The following TUSC3 variants were observed in gnomAD, a reference collection of about 807,000 sequenced individuals.
TUSC3 encodes tumor suppressor candidate 3, also known as dolichyl-diphosphooligosaccharide--protein glycosyltransferase subunit TUSC3.
Under a neutral mutation model 44.8 loss-of-function variants are expected in TUSC3, and 45 were observed. That is an observed-to-expected ratio of 1.00 (90% CI 0.79 to 1.29). TUSC3 has a LOEUF of 1.29. Ranked by LOEUF, TUSC3 falls within the 50% of genes most tolerant of loss-of-function variation. The probability of loss-of-function intolerance (pLI) is 0.00; values close to 1 mark genes in which losing one functional copy is unlikely to be tolerated. For missense variants in TUSC3, 519 were observed against 437.9 expected (o/e 1.19, Z -1.65); for synonymous variants, 212 against 152.9 (o/e 1.39, Z -2.85).
intron 2 of TUSC3, among the ~76,000 whole-genome samples, chr8:15,523,662 ATATGTGTGTGTG>A (rs1280485856): frequency 7.9e-3 from 172 of 21,826 alleles, no homozygotes; most frequent in African/African-American, 0.032. Context: ...ATATATATAT[ATATGTGTGTGTG>A]TGTGTGTGTG....
chr8:15,445,953 G>T (rs1349232036), intron 1 of TUSC3, among the ~76,000 whole-genome samples: 3 of 147,312 alleles, frequency 2.0e-5, no homozygotes, highest in African/African-American at 7.6e-5. Flanking sequence ...GACGGGGGCT[G>T]CCCCCCACCT....
intron 7 of TUSC3, among the ~76,000 whole-genome samples, chr8:15,738,448 T>A (rs1472780788): frequency 6.6e-6 from 1 of 152,186 alleles, no homozygotes; most frequent in Non-Finnish European, 1.5e-5. Context: ...CTGCCTGCTA[T>A]TTTTGTAAAT....
intron 2 of TUSC3, among the ~76,000 whole-genome samples, chr8:15,642,942 A>C (rs1244103913): frequency 6.6e-6 from 1 of 152,226 alleles, no homozygotes; most frequent in Admixed American, 6.5e-5. Context: ...TTAAATACAT[A>C]TTATAATCAT....
intron 1 of TUSC3, among the ~76,000 whole-genome samples, chr8:15,602,987 T>G (rs1804355170): frequency 6.6e-6 from 1 of 151,542 alleles, no homozygotes; most frequent in Non-Finnish European, 1.5e-5. Flanking sequence ...GAAATAAGAC[T>G]GAGAGAAGTA....
chr8:15,644,596 C>T (rs142736103), intron 2 of TUSC3, among the ~76,000 whole-genome samples: 7 of 152,216 alleles, frequency 4.6e-5, no homozygotes, highest in African/African-American at 1.7e-4. Context: ...TAGGTTTTCT[C>T]TGTCCCCTAT....
intron 1 of TUSC3, among the ~76,000 whole-genome samples, chr8:15,470,575 T>A (rs1800476853): frequency 6.6e-6 from 1 of 152,194 alleles, no homozygotes; most frequent in African/African-American, 2.4e-5. Context: ...ATTCTTGTAC[T>A]TTCTGCCCAA....
intron 1 of TUSC3, among the ~76,000 whole-genome samples, chr8:15,544,602 G>T (rs1585086680): frequency 6.6e-6 from 1 of 151,608 alleles, no homozygotes; most frequent in African/African-American, 2.4e-5. Flanking sequence ...TTTATATTGG[G>T]ATGTATAATA....
At chr8:15,427,981 A>G (rs1799826256) in intron 1 of TUSC3, among the ~76,000 whole-genome samples, 1 of 151,020 alleles carries the variant, frequency 6.6e-6, no homozygotes, top group African/African-American at 2.4e-5. Flanking sequence ...TTTTTTTATT[A>G]TTATACTTTT....
intron 1 of TUSC3, among the ~76,000 whole-genome samples, chr8:15,600,554 CTT>C (rs2129154297): frequency 6.6e-6 from 1 of 151,546 alleles, no homozygotes; most frequent in East Asian, 1.9e-4. Context: ...CTGTTTTATT[CTT>C]GTTTGCTTTG....
At chr8:15,815,055 G>A in the TUSC3 span, among the ~76,000 whole-genome samples, 2 of 152,068 alleles carry the variant, frequency 1.3e-5, no homozygotes, top group African/African-American at 4.8e-5. Flanking sequence ...CGAGATATAA[G>A]TAATGAGACA....
At chr8:15,700,945 G>T (rs1809375765) in intron 6 of TUSC3, among the ~76,000 whole-genome samples, 1 of 141,724 alleles carries the variant, frequency 7.1e-6, no homozygotes, top group African/African-American at 2.6e-5. Context: ...GAAAATCATT[G>T]TGTTAGTCCG....
chr8:15,438,993 G>A (rs751574030), intron 1 of TUSC3, among the ~76,000 whole-genome samples: 4 of 152,144 alleles, frequency 2.6e-5, no homozygotes, highest in South Asian at 2.1e-4. Flanking sequence ...TCAGGCGTTG[G>A]TCGAGGCAAT....
the TUSC3 span, among the ~76,000 whole-genome samples, chr8:15,784,704 C>T: frequency 0.39 from 59,633 of 151,726 alleles, 12,634 homozygotes; most frequent in African/African-American, 0.56. Context: ...ATGTGAAATA[C>T]AGAAGAGTCA....
the TUSC3 span, among the ~76,000 whole-genome samples, chr8:15,843,359 C>T: frequency 0.02 from 2,983 of 152,122 alleles, 84 homozygotes; most frequent in African/African-American, 0.068. Context: ...TATTGTGTCA[C>T]AAGACACAAT....
rs772822826 is a variant in TUSC3 at position 15,673,743 on chromosome 8, T to C, written c.709-4T>C. 3.4e-5 allele frequency: 54 copies of C among 1,610,690 alleles called. No individual in the cohort carries two copies. The highest frequency in any genetic ancestry group is 4.2e-5 in the Non-Finnish European group (49 of 1,177,360). ...ATATTGAAACACTGCACCCTGTTTT[T>C]CAGTGTATAGTCTTTGCTATGACTT... On this transcript the variant is annotated splice_polypyrimidine_tract_variant and splice_region_variant and intron_variant, in intron 5 of 10. Transcript: ENST00000503731.
intron 1 of TUSC3, among the ~76,000 whole-genome samples, chr8:15,569,937 C>G (rs75228353): frequency 0.027 from 4,067 of 152,084 alleles, 197 homozygotes; most frequent in East Asian, 0.22. Context: ...TTTTGTCATA[C>G]TGCTTCAGTC....
chr8:15,758,483 C>G (rs1812027942), intron 10 of TUSC3, among the ~76,000 whole-genome samples: 1 of 151,888 alleles, frequency 6.6e-6, no homozygotes, highest in Admixed American at 6.6e-5. Context: ...CCACACTGCA[C>G]ATCCCACCCC....
At chr8:15,826,091 C>A in the TUSC3 span, among the ~76,000 whole-genome samples, 1 of 152,064 alleles carries the variant, frequency 6.6e-6, no homozygotes, top group African/African-American at 2.4e-5. Flanking sequence ...TGTGTCTGAA[C>A]TGAGCTCAGA....
chr8:15,579,000 T>C (rs1046418519), intron 1 of TUSC3, among the ~76,000 whole-genome samples: 28 of 152,132 alleles, frequency 1.8e-4, no homozygotes, highest in African/African-American at 6.0e-4. Context: ...CAGCTCCTGT[T>C]ATTGGTCTAT....
Sources: allele counts gnomAD v4.1 joint callset (sites outside exome capture counted in the v4.1 genomes callset), GRCh38; gene constraint gnomAD v4.1.1; transcripts MANE v1.5; gene names NCBI Gene and HGNC (gene_info 2026-07-23, HGNC 2026-07-21).